The following EXOC6 variants were observed in gnomAD, a reference collection of about 807,000 sequenced individuals.
The protein encoded by EXOC6 is exocyst complex component 6.
EXOC6 carries 60 observed loss-of-function variants against 112.5 expected under a neutral mutation model. The observed-to-expected ratio is 0.53, with a 90% CI of 0.43 to 0.66. EXOC6 has a LOEUF of 0.66. EXOC6 is among the 30% of genes least tolerant of loss of function. EXOC6 has a pLI of 0.00. For synonymous variants in EXOC6, 295 were observed against 308.0 expected, an observed-to-expected ratio of 0.96 and a Z score of 0.44; for missense variants, 855 against 957.1, an observed-to-expected ratio of 0.89 and a Z score of 1.41.
chr10:93,031,659 C>T (rs927141351), intron 20 of EXOC6, among the ~76,000 whole-genome samples: 3 of 151,826 alleles, frequency 2.0e-5, no homozygotes, highest in Non-Finnish European at 4.4e-5. Context: ...ATTACAGGCA[C>T]ATGCTACCGC....
chr10:92,955,699 A>T lies in EXOC6; in HGVS notation c.1758A>T (p.Gly586=). Residue 586 remains glycine (G), a synonymous_variant, in exon 17 of 22, where the codon GGA becomes GGT. Transcript: ENST00000260762. ...QETVHTTRLY[G]LSTFKDARHA... is the part of the protein sequence containing the mutation. ...CTGTTCATACTACAAGACTTTATGG[A>T]CTTTCTACTTTCAAGGTATGTAAAA... 1 of 1,608,624 alleles carries T rather than the reference A, an allele frequency of 6.2e-7. No homozygotes were observed.
chr10:92,979,771 A>C (rs540715584), intron 18 of EXOC6, among the ~76,000 whole-genome samples: 1 of 151,830 alleles, frequency 6.6e-6, no homozygotes, highest in African/African-American at 2.4e-5. Flanking sequence ...TCTACAAAAA[A>C]TTAAAAGATT....
rs998436685 is a variant in EXOC6, at chr10:93,059,052, C to A, written c.*697C>A. On this transcript the variant is annotated 3_prime_UTR_variant, in exon 22 of 22. Coordinates refer to ENST00000260762, the MANE Select transcript of EXOC6 (RefSeq NM_019053.6). ...TATATTGCTTGTAGGTGACCCCATT[C>A]TGGATTTGTTTGGTTTGGTTTGGTT... 1 of 152,182 alleles carries A rather than the reference C, an allele frequency of 6.6e-6. No homozygotes were observed. The highest frequency in any genetic ancestry group is 2.4e-5 in the African/African-American group (1 of 41,438). 9.4% of individuals were successfully genotyped at this position (152,182 alleles called of 1,614,324 possible).
chr10:92,953,609 C>G (rs1195437717), intron 15 of EXOC6, among the ~76,000 whole-genome samples: 1 of 152,086 alleles, frequency 6.6e-6, no homozygotes, highest in East Asian at 1.9e-4. Context: ...AGGACAGTCT[C>G]CACGACAAAG....
Position 93,058,645 on chromosome 10 carries a change from AT to A in EXOC6, c.*293del, listed in dbSNP as rs1846653655. On this transcript the variant is annotated 3_prime_UTR_variant, in exon 22 of 22. Coordinates refer to ENST00000260762, the MANE Select transcript of EXOC6 (RefSeq NM_019053.6). ...TATACATGAAATTGATTACAAATAC[AT>A]TTGAAAAACATATGCCTCTACTCAT... The A allele has an allele frequency of 8.5e-6, 2 of 234,234 alleles. No individual in the cohort carries two copies. Among genetic ancestry groups the A allele is most frequent in the African/African-American group, 2.3e-5 (1 of 43,710 alleles). 14.5% of individuals were successfully genotyped at this position (234,234 alleles called of 1,614,324 possible).
chr10:92,956,119 A>G (rs1466030050), intron 17 of EXOC6, among the ~76,000 whole-genome samples: 2 of 152,156 alleles, frequency 1.3e-5, no homozygotes, highest in African/African-American at 2.4e-5. Flanking sequence ...AAAAATAAAT[A>G]TTATTACATG....
At chr10:93,037,229 A>G (rs982424483) in intron 20 of EXOC6, among the ~76,000 whole-genome samples, 16 of 151,222 alleles carry the variant, frequency 1.1e-4, no homozygotes, top group Admixed American at 2.6e-4. Context: ...TGCAGCCTCA[A>G]CCTCCCCAGG....
chr10:92,838,636 G>T (rs3740379), intron 1 of EXOC6, among the ~76,000 whole-genome samples: 4,623 of 152,272 alleles, frequency 0.03, 172 homozygotes, highest in East Asian at 0.15. Context: ...TTGAATTGGG[G>T]AAGAAAATAC....
chr10:92,941,848 T>C (rs1852685334), intron 13 of EXOC6, among the ~76,000 whole-genome samples: 1 of 152,206 alleles, frequency 6.6e-6, no homozygotes, highest in African/African-American at 2.4e-5. Flanking sequence ...ACACTTGAAT[T>C]ACTAAAAGTT....
chr10:92,975,864 A>C (rs1842559873), intron 18 of EXOC6, among the ~76,000 whole-genome samples: 1 of 125,898 alleles, frequency 7.9e-6, no homozygotes, highest in South Asian at 2.9e-4. Context: ...GGCCGCCCCT[A>C]CTGGGAAGTG....
chr10:92,848,619 T>C lies in EXOC6; in HGVS notation c.86T>C (p.Val29Ala), dbSNP rs1215809824. 4 of 1,439,886 alleles carry C rather than the reference T, an allele frequency of 2.8e-6. No individual in the cohort carries two copies. Among genetic ancestry groups the C allele is most frequent in the Admixed American group, 2.1e-5 (1 of 47,908 alleles). 89.2% of individuals were successfully genotyped at this position (1,439,886 alleles called of 1,614,324 possible). ...QEIESTDTAC[V>A]GPTLRSVYDD... is the part of the protein sequence containing the mutation. ...ATCGAGAGCACCGACACCGCCTGTGTGGGGCCCACCCTCCGGTAAAGATCT... is the reference window on the plus strand; with the variant it reads ...ATCGAGAGCACCGACACCGCCTGTGCGGGGCCCACCCTCCGGTAAAGATCT... The change falls in exon 1 of 22, where the codon GTG becomes GCG. Residue 29 changes from valine to alanine, a missense_variant. Transcript: ENST00000260762.
chr10:93,008,744 G>A (rs954900484), intron 19 of EXOC6, among the ~76,000 whole-genome samples: 5 of 152,150 alleles, frequency 3.3e-5, no homozygotes, highest in African/African-American at 1.2e-4. Flanking sequence ...TAGGTGACAG[G>A]TATGGTGTAT....
chr10:92,845,857 G>A (rs1177913887), upstream of EXOC6, among the ~76,000 whole-genome samples: 1 of 152,104 alleles, frequency 6.6e-6, no homozygotes, highest in African/African-American at 2.4e-5. Context: ...AGAATCACTT[G>A]AACCCAGGAG....
At chr10:92,908,459 A>G (rs1850565823) in intron 5 of EXOC6, among the ~76,000 whole-genome samples, 1 of 152,058 alleles carries the variant, frequency 6.6e-6, no homozygotes, top group African/African-American at 2.4e-5. Context: ...CCTGCTTTTA[A>G]TGTCATCCAA....
At chr10:93,012,291 A>G (rs1844285222) in intron 19 of EXOC6, among the ~76,000 whole-genome samples, 1 of 152,216 alleles carries the variant, frequency 6.6e-6, no homozygotes, top group East Asian at 1.9e-4. Context: ...GTAAGAATTC[A>G]TGTTAAAACT....
chr10:92,952,219 T>A lies in EXOC6; in HGVS notation c.1417-54T>A, dbSNP rs560114045. 1.1e-5 allele frequency: 12 copies of A among 1,090,690 alleles called. No homozygotes were observed. The South Asian group carries it at 1.5e-4, about 14-fold the overall frequency. 67.6% of individuals were successfully genotyped at this position (1,090,690 alleles called of 1,614,324 possible). A position where few individuals can be genotyped will look rare whatever the true frequency, so the allele number is the denominator to read the frequency against. On this transcript the variant is annotated intron_variant, in intron 14 of 21. Coordinates refer to ENST00000260762, the MANE Select transcript of EXOC6 (RefSeq NM_019053.6). ...ATTTAATTTTACATTTTTTAGTGATTAGCATGTCTTTTTCTAAAATTTCAA... is the reference window on the plus strand; with the variant it reads ...ATTTAATTTTACATTTTTTAGTGATAAGCATGTCTTTTTCTAAAATTTCAA...
chr10:92,978,279 G>T (rs562033318), intron 18 of EXOC6, among the ~76,000 whole-genome samples: 4 of 152,006 alleles, frequency 2.6e-5, no homozygotes, highest in Admixed American at 2.0e-4. Context: ...GCATGGTGGC[G>T]TGTACCTTTA....
chr10:93,052,086 C>A (rs1047627329), intron 20 of EXOC6, among the ~76,000 whole-genome samples: 7 of 152,098 alleles, frequency 4.6e-5, no homozygotes, highest in African/African-American at 1.7e-4. Context: ...GGGTCACTGC[C>A]CCTGAGGTGC....
chr10:92,916,996 C>T (rs1168459104), intron 7 of EXOC6, among the ~76,000 whole-genome samples: 1 of 150,642 alleles, frequency 6.6e-6, no homozygotes, highest in African/African-American at 2.4e-5. Flanking sequence ...CGGGTTCTCA[C>T]TGTGTCGCCC....
Sources: allele counts gnomAD v4.1 joint callset (sites outside exome capture counted in the v4.1 genomes callset), GRCh38; gene constraint gnomAD v4.1.1; transcripts MANE v1.5; gene names NCBI Gene and HGNC (gene_info 2026-07-23, HGNC 2026-07-21).